Variants in PRR5 observed in about 807,000 individuals in gnomAD.
PRR5 encodes the protein proline-rich protein 5.
PRR5 carries 25 observed loss-of-function variants against 30.6 expected under a neutral mutation model. The ratio of observed to expected loss-of-function variants is 0.82; its 90% CI spans 0.60 to 1.14. PRR5 has a LOEUF of 1.14. PRR5 is among the 50% of genes most tolerant of loss of function. The pLI, the probability that PRR5 is intolerant of heterozygous loss-of-function variation, is 0.00. For synonymous variants in PRR5, 286 were observed against 247.1 expected (o/e 1.16, Z -1.48); for missense variants, 600 against 547.1 (o/e 1.10, Z -0.96).
At chr22:44,719,850 C>A (rs1032957428) in intron 2 of PRR5, among the ~76,000 whole-genome samples, 6 of 152,216 alleles carry the variant, frequency 3.9e-5, no homozygotes, top group African/African-American at 1.4e-4. Flanking sequence ...GTCCTGCTGG[C>A]CTAGCTGCTC....
chr22:44,688,855 G>A (rs1297201518), intron 1 of PRR5, among the ~76,000 whole-genome samples: 1 of 152,116 alleles, frequency 6.6e-6, no homozygotes, highest in Non-Finnish European at 1.5e-5. Flanking sequence ...GGGCATGGTG[G>A]TGCACGCCTG....
intron 2 of PRR5, among the ~76,000 whole-genome samples, chr22:44,719,537 C>T (rs1366969324): frequency 2.0e-5 from 3 of 152,176 alleles, no homozygotes; most frequent in Admixed American, 6.5e-5. Context: ...AGGCCCTGGG[C>T]GCCCTCGTTG....
chr22:44,671,177 A>G (rs747544045), intron 1 of PRR5, among the ~76,000 whole-genome samples: 2 of 152,184 alleles, frequency 1.3e-5, no homozygotes, highest in Non-Finnish European at 1.5e-5. Flanking sequence ...TCCTGCTTCA[A>G]GACCCTCATC....
chr22:44,714,005 A>G (rs1928667109), intron 1 of PRR5, among the ~76,000 whole-genome samples: 1 of 151,746 alleles, frequency 6.6e-6, no homozygotes. Context: ...GGGTTTCACC[A>G]TGTTCGCCAG....
intron 1 of PRR5, among the ~76,000 whole-genome samples, chr22:44,684,380 CA>C (rs1054851818): frequency 1.6e-4 from 25 of 151,844 alleles, no homozygotes; most frequent in Admixed American, 1.4e-3. Context: ...CTGTCTCTAC[CA>C]AAAAAAATAC....
chr22:44,723,398 G>A (rs963206463), intron 2 of PRR5, among the ~76,000 whole-genome samples: 9 of 152,066 alleles, frequency 5.9e-5, no homozygotes, highest in Non-Finnish European at 8.8e-5. Flanking sequence ...AGATTGTATA[G>A]TAAAATGAAT....
intron 4 of PRR5, chr22:44,730,214 C>T (rs1387495552): frequency 2.0e-6 from 2 of 985,196 alleles, no homozygotes; most frequent in Non-Finnish European, 2.4e-6. Flanking sequence ...CCCTGTTCAG[C>T]CTCCGCATTC....
At chr22:44,714,924 C>T (rs1569093056) in intron 2 of PRR5, among the ~76,000 whole-genome samples, 1 of 152,222 alleles carries the variant, frequency 6.6e-6, no homozygotes, top group Non-Finnish European at 1.5e-5. Context: ...CCCCCACAGC[C>T]CCAGAGAAAG....
chr22:44,710,454 G>A (rs930921071), intron 1 of PRR5, among the ~76,000 whole-genome samples: 21 of 152,158 alleles, frequency 1.4e-4, no homozygotes, highest in Non-Finnish European at 2.1e-4. Flanking sequence ...GTCATGGGCC[G>A]TTTCCACTCA....
intron 1 of PRR5, among the ~76,000 whole-genome samples, chr22:44,707,097 C>G (rs1264434009): frequency 6.6e-6 from 1 of 152,196 alleles, no homozygotes; most frequent in Non-Finnish European, 1.5e-5. Context: ...ATCCTTATCC[C>G]CTTCCTTCCT....
chr22:44,687,935 T>C (rs377602741), intron 1 of PRR5, among the ~76,000 whole-genome samples: 1 of 151,732 alleles, frequency 6.6e-6, no homozygotes, highest in Non-Finnish European at 1.5e-5. Context: ...CCACCACACC[T>C]GGCTAATTTT....
At chr22:44,698,092 G>A (rs1925924467), upstream of PRR5, among the ~76,000 whole-genome samples, 1 of 152,226 alleles carries the variant, frequency 6.6e-6, no homozygotes, top group Non-Finnish European at 1.5e-5. Context: ...GGCTGAGCCA[G>A]GCTTAGGGAT....
chr22:44,682,817 G>T (rs753563703), intron 1 of PRR5, among the ~76,000 whole-genome samples: 1 of 152,130 alleles, frequency 6.6e-6, no homozygotes, highest in African/African-American at 2.4e-5. Context: ...CTGCAGGGCC[G>T]CCCAAGGCCT....
chr22:44,718,192 CTTTTT>C (rs34868054), intron 2 of PRR5, among the ~76,000 whole-genome samples: 13 of 94,580 alleles, frequency 1.4e-4, no homozygotes, highest in African/African-American at 4.7e-4. Flanking sequence ...TTTCATCTCT[CTTTTT>C]TTTTTTTTTT....
intron 1 of PRR5, among the ~76,000 whole-genome samples, chr22:44,711,689 C>G (rs1323070221): frequency 6.6e-6 from 1 of 152,204 alleles, no homozygotes; most frequent in Admixed American, 6.5e-5. Context: ...GCTCCACCGT[C>G]CGCTGTAAGG....
At chr22:44,708,613 A>G (rs1008771825) in intron 1 of PRR5, among the ~76,000 whole-genome samples, 1 of 152,146 alleles carries the variant, frequency 6.6e-6, no homozygotes, top group African/African-American at 2.4e-5. Context: ...TTCATTCCCC[A>G]CAGTAACCTT....
At position 44,734,977 on chromosome 22, in the gene PRR5, C is replaced by T. The variant is rs970826037; in HGVS notation, c.556-50C>T. The stretch of plus-strand genomic sequence containing the variant: ...GGACATATGGTTGAGAGCCTGGAGC[C>T]ACCAAGCTCGGGTGCATGACCCCCT... On this transcript the variant is annotated intron_variant, in intron 6 of 7. Coordinates refer to ENST00000336985, the MANE Select transcript of PRR5 (RefSeq NM_181333.4). 3.8e-6 allele frequency: 6 copies of T among 1,570,910 alleles called. No individual in the cohort carries two copies. The African/African-American group carries it at 8.1e-5, about 21-fold the overall frequency.
chr22:44,728,931 G>A (rs1346824797), intron 4 of PRR5, among the ~76,000 whole-genome samples: 1 of 152,186 alleles, frequency 6.6e-6, no homozygotes, highest in African/African-American at 2.4e-5. Context: ...GTGGAGGGCT[G>A]CCTCCCTAGG....
rs555716166 is a variant in PRR5, at chr22:44,732,307, C to T, written c.471C>T (p.Thr157=). ...TGCTGCACTTCCGGAATGCCATCAC[C>T]CTCAGTGTGAAGCTAGAGGATGCGC... ...LALLHFRNAI[T]LSVKLEDALA... is the part of the protein sequence containing the mutation. Residue 157 remains threonine (T), a synonymous_variant, in exon 6 of 8, where the codon ACC becomes ACT. Transcript: ENST00000336985. The T allele has an allele frequency of 6.8e-6, 11 of 1,612,430 alleles. No individual in the cohort carries two copies. The South Asian group carries it at 1.2e-4, about 18-fold the overall frequency.
Sources: allele counts gnomAD v4.1 joint callset (sites outside exome capture counted in the v4.1 genomes callset), GRCh38; gene constraint gnomAD v4.1.1; transcripts MANE v1.5; gene names NCBI Gene and HGNC (gene_info 2026-07-23, HGNC 2026-07-21).